The following COL4A2 variants were observed in gnomAD, a reference collection of about 807,000 sequenced individuals.
The protein encoded by COL4A2 is collagen alpha-2(IV) chain.
A neutral mutation model predicts 200.2 loss-of-function variants in COL4A2; 99 were observed. The ratio of observed to expected loss-of-function variants is 0.49; its 90% CI spans 0.42 to 0.58. The LOEUF (loss-of-function observed/expected upper bound fraction) is 0.58, where lower values mean the gene tolerates loss of function less well. Among genes scored for constraint, COL4A2 ranks in the 20% least tolerant of loss-of-function variants. The pLI, the probability that COL4A2 is intolerant of heterozygous loss-of-function variation, is 0.00. For missense variants in COL4A2, 1,950 were observed against 2,314.1 expected (o/e 0.84, Z 3.23); for synonymous variants, 897 against 900.6 (o/e 1.00, Z 0.07).
At chr13:110,428,365 C>G (rs953231182) in intron 6 of COL4A2, 102 bp from the exon 7 acceptor site, 2 of 706,900 alleles carry the variant, frequency 2.8e-6, no homozygotes, top group African/African-American at 3.8e-5. Flanking sequence ...GGATTCATGC[C>G]GGGAACATGG....
At chr13:110,358,904 TTTCA>T (rs1448752923) in intron 4 of COL4A2, among the ~76,000 whole-genome samples, 2 of 152,240 alleles carry the variant, frequency 1.3e-5, no homozygotes, top group Non-Finnish European at 1.5e-5. Context: ...GCATCTTTTC[TTTCA>T]TTCATTGTTC....
At chr13:110,488,381 T>C (rs1367167594) in intron 34 of COL4A2, among the ~76,000 whole-genome samples, 5 of 152,172 alleles carry the variant, frequency 3.3e-5, no homozygotes, top group African/African-American at 1.2e-4. Flanking sequence ...ATTGATGCTG[T>C]AGTACTAAAG....
intron 20 of COL4A2, among the ~76,000 whole-genome samples, chr13:110,452,688 A>T (rs1323077315): frequency 1.3e-5 from 2 of 152,144 alleles, no homozygotes; most frequent in African/African-American, 2.4e-5. Flanking sequence ...TATTCTGAAA[A>T]TTTTTAGGTG....
chr13:110,442,568 G>C (rs1250655466), intron 16 of COL4A2, among the ~76,000 whole-genome samples: 1 of 152,222 alleles, frequency 6.6e-6, no homozygotes, highest in Non-Finnish European at 1.5e-5. Flanking sequence ...AACCAGAAAA[G>C]AAAAGATATC....
intron 41 of COL4A2, chr13:110,502,753 C>T: frequency 4.7e-6 from 1 of 212,026 alleles, no homozygotes. Flanking sequence ...CATACGAGGC[C>T]CCTGAAGTCA....
chr13:110,450,218 C>A, intron 19 of COL4A2, 87 bp from the exon 20 acceptor site: 1 of 1,155,882 alleles, frequency 8.7e-7, no homozygotes, highest in Non-Finnish European at 1.3e-6. Context: ...CCCGCTAGTG[C>A]CCCAGTGGGC....
chr13:110,504,300 A>G (rs1275987826), intron 45 of COL4A2, 36 bp downstream of exon 45: 2 of 1,514,932 alleles, frequency 1.3e-6, no homozygotes, highest in Non-Finnish European at 9.2e-7. Context: ...CCCAGGTCCT[A>G]GTGCTCTGGA....
At chr13:110,485,076 GC>G in intron 33 of COL4A2, 49 bp downstream of exon 33, 1 of 1,485,766 alleles carries the variant, frequency 6.7e-7, no homozygotes, top group African/African-American at 1.4e-5. Context: ...TGCCGCCCCA[GC>G]CCGCACCAGC....
intron 3 of COL4A2, among the ~76,000 whole-genome samples, chr13:110,323,895 C>G (rs1885340839): frequency 6.6e-6 from 1 of 152,188 alleles, no homozygotes; most frequent in Non-Finnish European, 1.5e-5. Flanking sequence ...AATCACAACA[C>G]AAATCATTAT....
intron 16 of COL4A2, among the ~76,000 whole-genome samples, chr13:110,444,871 A>G (rs138727798): frequency 1.4e-4 from 21 of 152,312 alleles, no homozygotes; most frequent in African/African-American, 5.1e-4. Context: ...CTATTTTTGA[A>G]ACAGGGTCTT....
In COL4A2 at chr13:110,508,149, C is replaced by T; in HGVS notation, c.4809C>T (p.His1603=). 2 of 1,614,270 alleles carry T rather than the reference C, an allele frequency of 1.2e-6. No homozygotes were observed. Among genetic ancestry groups the T allele is most frequent in the Non-Finnish European group, 1.7e-6 (2 of 1,180,044 alleles). The change falls in exon 47 of 48, where the codon CAC becomes CAT. Residue 1603 remains histidine (H), a synonymous_variant. Coordinates refer to ENST00000360467, the MANE Select transcript of COL4A2 (RefSeq NM_001846.4). The surrounding 1 kb of genome is among the most constrained non-coding windows in gnomAD (Gnocchi z 6.1). ...CEAPAIAIAV[H]SQDVSIPHCP... The stretch of plus-strand genomic sequence containing the variant: ...CCCCGGCCATCGCCATCGCGGTCCA[C>T]AGTCAGGATGTCTCCATCCCACACT...
intron 47 of COL4A2, among the ~76,000 whole-genome samples, chr13:110,510,872 C>T (rs536630301): frequency 3.3e-5 from 5 of 152,302 alleles, no homozygotes; most frequent in South Asian, 2.1e-4. Context: ...CCCTGGAGGA[C>T]GTCTCCACTT....
chr13:110,401,863 G>T lies in COL4A2; in HGVS notation c.181-22871G>T, dbSNP rs150591972. Among the ~76,000 whole-genome samples the T allele has an allele frequency of 1.3e-4, 20 of 152,324 alleles. No individual in the cohort carries two copies. In the East Asian group the frequency reaches 3.9e-3, roughly 29 times the overall value. The stretch of plus-strand genomic sequence containing the variant: ...ATGAGATCCAGGATTCATAGATGGT[G>T]CCCTGCTGCTGTGTCCTCACGCAGC... On this transcript the variant is annotated intron_variant, in intron 4 of 47. Transcript: ENST00000360467.
chr13:110,381,584 G>A (rs757237910), intron 4 of COL4A2, among the ~76,000 whole-genome samples: 3 of 152,150 alleles, frequency 2.0e-5, no homozygotes, highest in Non-Finnish European at 2.9e-5. Flanking sequence ...CAGTGAACAC[G>A]TGATTGAACT....
chr13:110,506,283 G>A (rs1039212368), intron 45 of COL4A2, 132 bp from the exon 46 acceptor site: 2 of 800,462 alleles, frequency 2.5e-6, no homozygotes, highest in Admixed American at 6.6e-5. Flanking sequence ...TCTCTCTCGG[G>A]CTGCAGGTGC....
At chr13:110,471,500 CAGAG>C (rs1156494972) in intron 28 of COL4A2, among the ~76,000 whole-genome samples, 1 of 152,224 alleles carries the variant, frequency 6.6e-6, no homozygotes, top group East Asian at 1.9e-4. Context: ...TTGCAAAAAT[CAGAG>C]AGTCTATTCC....
intron 29 of COL4A2, among the ~76,000 whole-genome samples, chr13:110,474,208 G>A (rs148324689): frequency 9.1e-4 from 139 of 152,266 alleles, no homozygotes; most frequent in African/African-American, 3.2e-3. Context: ...TGGCATTGTC[G>A]TTAGTCCCTG....
At chr13:110,406,993 G>C (rs9555697) in intron 4 of COL4A2, among the ~76,000 whole-genome samples, 1 of 152,298 alleles carries the variant, frequency 6.6e-6, no homozygotes, top group East Asian at 1.9e-4. Flanking sequence ...TGCAAGAGGC[G>C]GCTGGTATCC....
intron 3 of COL4A2, among the ~76,000 whole-genome samples, chr13:110,333,553 T>C (rs1224311727): frequency 6.6e-6 from 1 of 152,170 alleles, no homozygotes; most frequent in East Asian, 1.9e-4. Context: ...CTTTTTCTTC[T>C]CCAAACATTT....
Sources: gnomAD v4.1 joint callset for allele counts (sites outside exome capture counted in the v4.1 genomes callset) on GRCh38, gnomAD v4.1.1 for gene constraint, Gnocchi (gnomAD v3.1) non-coding constraint, MANE v1.5 for transcripts, NCBI Gene and HGNC (gene_info 2026-07-23, HGNC 2026-07-21) for gene names.